EPHB1: variants seen among roughly 807,000 people sequenced by gnomAD.
The protein encoded by EPHB1 is ephrin type-B receptor 1.
Under a neutral mutation model 94.4 loss-of-function variants are expected in EPHB1, and 30 were observed. The observed-to-expected ratio is 0.32, with a 90% CI of 0.24 to 0.43. EPHB1 has a LOEUF of 0.43. Among genes scored for constraint, EPHB1 ranks in the 20% least tolerant of loss-of-function variants. The pLI is 1.00. For synonymous variants in EPHB1, 522 were observed against 489.1 expected, an observed-to-expected ratio of 1.07 and a Z score of -0.89; for missense variants, 1,055 against 1,308.3, an observed-to-expected ratio of 0.81 and a Z score of 2.99.
chr3:135,148,894 T>A (rs1941100808), intron 5 of EPHB1, among the ~76,000 whole-genome samples: 1 of 152,238 alleles, frequency 6.6e-6, no homozygotes, highest in Admixed American at 6.5e-5. Flanking sequence ...TTACAAGGCC[T>A]TTTATTGTTG....
chr3:135,128,737 C>T (rs1019055453), intron 4 of EPHB1, among the ~76,000 whole-genome samples: 1 of 152,138 alleles, frequency 6.6e-6, no homozygotes, highest in East Asian at 1.9e-4. Flanking sequence ...AATAAGCTTG[C>T]CTGTCTTGGT....
In EPHB1 at chr3:134,795,708, A is replaced by G; in HGVS notation, c.58+19A>G. Reference sequence around the variant, plus strand: ...ATGGAAGGTAACGTACCCTCCACGGAGCAAGTTGGCTGCTGGTGCCGGCCG... The same window carrying G: ...ATGGAAGGTAACGTACCCTCCACGGGGCAAGTTGGCTGCTGGTGCCGGCCG... On this transcript the variant is annotated intron_variant, in intron 1 of 15. Coordinates refer to ENST00000398015, the MANE Select transcript of EPHB1 (RefSeq NM_004441.5). 1 of 1,608,076 alleles carries G rather than the reference A, an allele frequency of 6.2e-7. No homozygotes were observed. Among genetic ancestry groups the G allele is most frequent in the Non-Finnish European group, 8.5e-7 (1 of 1,177,630 alleles).
At chr3:135,029,798 G>A (rs1936353424) in intron 3 of EPHB1, among the ~76,000 whole-genome samples, 1 of 151,992 alleles carries the variant, frequency 6.6e-6, no homozygotes, top group African/African-American at 2.4e-5. Context: ...AAATTCTCCT[G>A]GATAATATCC....
chr3:134,928,604 A>G (rs1208316538), intron 2 of EPHB1, among the ~76,000 whole-genome samples: 3 of 152,176 alleles, frequency 2.0e-5, no homozygotes, highest in African/African-American at 4.8e-5. Context: ...GGATGAGTCA[A>G]TCTGGGACCT....
chr3:135,061,844 G>T (rs868508905), intron 3 of EPHB1, among the ~76,000 whole-genome samples: 1 of 152,012 alleles, frequency 6.6e-6, no homozygotes, highest in Non-Finnish European at 1.5e-5. Context: ...GAGAACATGC[G>T]GTGTTTGGTT....
intron 3 of EPHB1, among the ~76,000 whole-genome samples, chr3:135,072,629 G>C (rs1937763585): frequency 6.6e-6 from 1 of 152,124 alleles, no homozygotes; most frequent in East Asian, 1.9e-4. Flanking sequence ...CTGCCTCAGG[G>C]CCTTTGCACA....
chr3:135,132,699 T>C lies in EPHB1; in HGVS notation c.962-15T>C, dbSNP rs373534742. 1.3e-5 allele frequency: 21 copies of C among 1,559,354 alleles called. No homozygotes were observed. Among genetic ancestry groups the C allele is most frequent in the Non-Finnish European group, 1.7e-5 (20 of 1,147,704 alleles). ...TTATGTCTAGCCTCACTGGACCTTC[T>C]TTGTCTCCCTGCAGGCGTCCCATCA... On this transcript the variant is annotated splice_polypyrimidine_tract_variant and intron_variant, in intron 4 of 15. Transcript: ENST00000398015.
chr3:135,092,576 C>G (rs1229069974), intron 3 of EPHB1, among the ~76,000 whole-genome samples: 1 of 152,128 alleles, frequency 6.6e-6, no homozygotes, highest in Non-Finnish European at 1.5e-5. Context: ...AAGGAGGGCA[C>G]AGCCCTGACT....
intron 12 of EPHB1, among the ~76,000 whole-genome samples, chr3:135,236,813 G>T (rs1320037965): frequency 6.6e-6 from 1 of 152,208 alleles, no homozygotes; most frequent in East Asian, 1.9e-4. Flanking sequence ...GTGGAGAAAA[G>T]TGCTGTAGCA....
At chr3:134,851,764 T>C (rs929533755) in intron 1 of EPHB1, among the ~76,000 whole-genome samples, 6 of 152,236 alleles carry the variant, frequency 3.9e-5, no homozygotes, top group African/African-American at 1.4e-4. Flanking sequence ...AAATACTCTT[T>C]GTTACACATT....
At chr3:134,871,133 T>C (rs1297774388) in intron 1 of EPHB1, among the ~76,000 whole-genome samples, 1 of 152,316 alleles carries the variant, frequency 6.6e-6, no homozygotes, top group East Asian at 1.9e-4. Context: ...TAAGAATACT[T>C]TGTCACTAAA....
At chr3:134,995,760 G>A (rs1318721786) in intron 3 of EPHB1, among the ~76,000 whole-genome samples, 1 of 148,120 alleles carries the variant, frequency 6.8e-6, no homozygotes, top group East Asian at 1.9e-4. Flanking sequence ...CTAAACATGT[G>A]CATATCATGT....
intron 3 of EPHB1, among the ~76,000 whole-genome samples, chr3:134,970,385 C>G (rs1431009117): frequency 6.6e-6 from 1 of 152,196 alleles, no homozygotes; most frequent in Non-Finnish European, 1.5e-5. Context: ...TTTTTCCAAG[C>G]CTTTACTTGA....
At chr3:135,178,219 C>CGGGGGGGGGGGGGGG (rs775780350) in intron 9 of EPHB1, among the ~76,000 whole-genome samples, 1 of 96,232 alleles carries the variant, frequency 1.0e-5, no homozygotes, top group African/African-American at 4.8e-5. Context: ...TTTGGGAGGC[C>CGGGGGGGGGGGGGGG]GGGGAGGGGG....
intron 10 of EPHB1, among the ~76,000 whole-genome samples, chr3:135,187,624 C>A (rs944751282): frequency 1.3e-5 from 2 of 152,136 alleles, no homozygotes; most frequent in Non-Finnish European, 2.9e-5. Context: ...AATAGCAATA[C>A]GCCCATCGAC....
chr3:135,251,696 C>T (rs893725591), intron 15 of EPHB1, among the ~76,000 whole-genome samples: 15 of 152,196 alleles, frequency 9.9e-5, no homozygotes, highest in Non-Finnish European at 1.6e-4. Context: ...ACACTTTGAG[C>T]ATCTCAACCA....
intron 3 of EPHB1, among the ~76,000 whole-genome samples, chr3:135,075,356 A>G (rs973871491): frequency 2.6e-5 from 4 of 152,122 alleles, no homozygotes; most frequent in African/African-American, 9.7e-5. Context: ...CGATAGCCAG[A>G]ATCCATGAGC....
At chr3:135,047,813 C>T (rs149556647) in intron 3 of EPHB1, among the ~76,000 whole-genome samples, 97 of 152,220 alleles carry the variant, frequency 6.4e-4, no homozygotes, top group African/African-American at 2.3e-3. Flanking sequence ...TGTCTGGAGA[C>T]ATTTTGGTTG....
chr3:135,206,357 C>T (rs892562324), intron 12 of EPHB1, among the ~76,000 whole-genome samples: 10 of 152,152 alleles, frequency 6.6e-5, no homozygotes, highest in African/African-American at 1.2e-4. Flanking sequence ...GCCAGCACTA[C>T]TTATTAAATA....
Sources: gnomAD v4.1 joint callset for allele counts (sites outside exome capture counted in the v4.1 genomes callset) on GRCh38, gnomAD v4.1.1 for gene constraint, MANE v1.5 for transcripts, NCBI Gene and HGNC (gene_info 2026-07-23, HGNC 2026-07-21) for gene names.